BASP1: variants seen among roughly 807,000 people sequenced by gnomAD.
BASP1 encodes the protein brain abundant membrane attached signal protein 1.
A neutral mutation model predicts 2.2 loss-of-function variants in BASP1; 1 was observed. The observed-to-expected ratio is 0.46, with a 90% CI of 0.16 to 2.17. The LOEUF is 2.17. Among genes scored for constraint, BASP1 ranks in the 30% most tolerant of loss-of-function variants. BASP1 has a pLI of 0.27. For synonymous variants in BASP1, 187 were observed against 154.2 expected (o/e 1.21, Z -1.58); for missense variants, 352 against 327.2 (o/e 1.08, Z -0.58).
At chr5:17,244,804 G>C (rs1739944511) in intron 1 of BASP1, among the ~76,000 whole-genome samples, 1 of 149,540 alleles carries the variant, frequency 6.7e-6, no homozygotes, top group Non-Finnish European at 1.5e-5. Flanking sequence ...CGGTTCTCCT[G>C]CCTCAGCCTC....
intron 1 of BASP1, among the ~76,000 whole-genome samples, chr5:17,245,185 C>A (rs1739951908): frequency 6.6e-6 from 1 of 150,668 alleles, no homozygotes; most frequent in Admixed American, 6.6e-5. Context: ...ATCTGTAATC[C>A]CAGCTACTCA....
At chr5:17,269,896 T>C (rs1740495375) in intron 1 of BASP1, among the ~76,000 whole-genome samples, 1 of 152,236 alleles carries the variant, frequency 6.6e-6, no homozygotes, top group Non-Finnish European at 1.5e-5. Context: ...AGAATTGGGA[T>C]TCCTTTTCCA....
At chr5:17,225,152 C>T (rs1319037723) in intron 1 of BASP1, among the ~76,000 whole-genome samples, 1 of 152,198 alleles carries the variant, frequency 6.6e-6, no homozygotes, top group Non-Finnish European at 1.5e-5. Context: ...TAAAGCCTCA[C>T]TCCTGCTGCC....
chr5:17,222,068 A>C (rs1982712), intron 1 of BASP1, among the ~76,000 whole-genome samples: 1 of 152,054 alleles, frequency 6.6e-6, no homozygotes, highest in Non-Finnish European at 1.5e-5. Context: ...TGTAATTGAC[A>C]TCACTAACTA....
At chr5:17,256,587 A>C (rs1283582266) in intron 1 of BASP1, among the ~76,000 whole-genome samples, 1 of 152,252 alleles carries the variant, frequency 6.6e-6, no homozygotes, top group Non-Finnish European at 1.5e-5. Flanking sequence ...ATTACAAATG[A>C]AATAACCAAC....
In BASP1 at chr5:17,275,675, G is replaced by A. The variant is rs200993243; in HGVS notation, c.459G>A (p.Ala153=). 2,889 of 1,568,528 alleles carry A rather than the reference G, an allele frequency of 1.8e-3. 6 individuals are homozygous for A. The highest frequency in any genetic ancestry group is 2.3e-3 in the Non-Finnish European group (2,606 of 1,157,726). ...AAGGGGAACCCAAAAAGACTGAGGC[G>A]CCCGCAGCTCCTGCCGCCCAGGAGA... The part of the protein sequence containing the change: ...KEEGEPKKTE[A]PAAPAAQETK... The change falls in exon 2 of 2, where the codon GCG becomes GCA. Residue 153 remains alanine (A), a synonymous_variant. Transcript: ENST00000322611. The surrounding 1 kb of genome is among the most constrained non-coding windows in gnomAD (Gnocchi z 5.3).
At chr5:17,219,847 G>A (rs548710178) in intron 1 of BASP1, among the ~76,000 whole-genome samples, 2 of 152,310 alleles carry the variant, frequency 1.3e-5, no homozygotes, top group East Asian at 3.9e-4. Flanking sequence ...GAAATCTGAT[G>A]GGGGCAGAAA....
chr5:17,250,272 AC>A (rs1740075439), intron 1 of BASP1, among the ~76,000 whole-genome samples: 1 of 152,026 alleles, frequency 6.6e-6, no homozygotes, highest in African/African-American at 2.4e-5. Context: ...GGCATATTCC[AC>A]TTGACTTTAA....
In BASP1 at chr5:17,242,039, C is replaced by T. The variant is rs116782097; in HGVS notation, c.-10+24229C>T. On this transcript the variant is annotated intron_variant, in intron 1 of 1. Coordinates refer to ENST00000322611, the MANE Select transcript of BASP1 (RefSeq NM_006317.5). ...TATCTCTAAAAGAAAACACCTCTCT[C>T]ATTCACGTCTATTCTGTATGCTTTC... is the stretch of plus-strand genomic sequence containing the variant. Among the ~76,000 whole-genome samples the T allele has an allele frequency of 3.5e-3, 536 of 152,282 alleles. 4 individuals carry two copies. The highest frequency in any genetic ancestry group is 0.012 in the African/African-American group (512 of 41,560).
At position 17,275,065 on chromosome 5, in the gene BASP1, C is replaced by A. The variant is rs1487719797; in HGVS notation, c.-9-143C>A. The A allele has an allele frequency of 1.5e-6, 1 of 671,664 alleles. No individual in the cohort carries two copies. The allele number at this position is 671,664 out of a possible 1,614,324, so 41.6% of individuals were successfully genotyped here. On this transcript the variant is annotated intron_variant, in intron 1 of 1. Transcript: ENST00000322611. This position sits in a 1 kb window ranked among gnomAD's most constrained non-coding sequence, Gnocchi z 5.3. ...CATGAATAAATTGAATTTAACTGTGCCTAACTATAGTTTACCATGCCACCC... is the reference window on the plus strand; with the variant it reads ...CATGAATAAATTGAATTTAACTGTGACTAACTATAGTTTACCATGCCACCC...
chr5:17,254,446 T>C (rs545247875), intron 1 of BASP1, among the ~76,000 whole-genome samples: 42 of 152,340 alleles, frequency 2.8e-4, no homozygotes, highest in African/African-American at 9.9e-4. Flanking sequence ...TAAAGGAAGA[T>C]GCTTTTGCCT....
At chr5:17,228,461 C>A (rs912319317) in intron 1 of BASP1, among the ~76,000 whole-genome samples, 1 of 152,178 alleles carries the variant, frequency 6.6e-6, no homozygotes, top group African/African-American at 2.4e-5. Flanking sequence ...TTAACTAACT[C>A]TTAAATGCAG....
intron 1 of BASP1, among the ~76,000 whole-genome samples, chr5:17,274,294 A>G (rs1397980050): frequency 6.6e-6 from 1 of 152,190 alleles, no homozygotes; most frequent in African/African-American, 2.4e-5. Flanking sequence ...AGACACAGCC[A>G]GCAAGAGACA....
At chr5:17,261,668 TAA>T (rs1289808092) in intron 1 of BASP1, among the ~76,000 whole-genome samples, 12 of 152,232 alleles carry the variant, frequency 7.9e-5, no homozygotes, top group Admixed American at 4.6e-4. Flanking sequence ...CATCTGGACT[TAA>T]CTTTCTGAAT....
chr5:17,229,004 T>C (rs1739571150), intron 1 of BASP1, among the ~76,000 whole-genome samples: 1 of 151,992 alleles, frequency 6.6e-6, no homozygotes, highest in Admixed American at 6.6e-5. Flanking sequence ...AATTCAGAGA[T>C]GTATACCTAT....
chr5:17,218,234 A>T (rs1720510913), intron 1 of BASP1, among the ~76,000 whole-genome samples: 1 of 128,894 alleles, frequency 7.8e-6, no homozygotes, highest in African/African-American at 2.9e-5. Context: ...AGCCTGGGAG[A>T]AAGCGCTCGG....
chr5:17,250,318 C>T (rs567519348), intron 1 of BASP1, among the ~76,000 whole-genome samples: 116 of 152,272 alleles, frequency 7.6e-4, no homozygotes, highest in Non-Finnish European at 1.5e-3. Flanking sequence ...CTTTGCACTT[C>T]GTAAAAAGTG....
rs1430127876 is a variant in BASP1 at position 17,276,351 on chromosome 5, G to C, written c.*451G>C. On this transcript the variant is annotated 3_prime_UTR_variant, in exon 2 of 2. Transcript: ENST00000322611. ...CACAGGGCCTGTGCCAAGGCAATCA[G>C]ATCTTTATGAGAGCAGTATTTTCTG... is the stretch of plus-strand genomic sequence containing the variant. The C allele has an allele frequency of 5.9e-6, 1 of 168,902 alleles. No individual in the cohort carries two copies. The highest frequency in any genetic ancestry group is 6.5e-5 in the Admixed American group (1 of 15,322). 10.5% of individuals were successfully genotyped at this position (168,902 alleles called of 1,614,324 possible).
intron 1 of BASP1, among the ~76,000 whole-genome samples, chr5:17,257,827 C>T (rs1021363563): frequency 8.5e-5 from 13 of 152,198 alleles, no homozygotes; most frequent in African/African-American, 3.1e-4. Flanking sequence ...TCTCACAGGG[C>T]AGGCTATAAA....
Sources: gnomAD v4.1 joint callset for allele counts (sites outside exome capture counted in the v4.1 genomes callset) on GRCh38, gnomAD v4.1.1 for gene constraint, Gnocchi (gnomAD v3.1) non-coding constraint, MANE v1.5 for transcripts, NCBI Gene and HGNC (gene_info 2026-07-23, HGNC 2026-07-21) for gene names.